The following RARB variants were observed in gnomAD, a reference collection of about 807,000 sequenced individuals.
RARB encodes retinoic acid receptor beta, also known as HBV-activated protein.
In RARB, 17 loss-of-function variants were observed where a neutral mutation model predicts 51.9. The ratio of observed to expected loss-of-function variants is 0.33; its 90% CI spans 0.22 to 0.49. RARB has a LOEUF of 0.49. Ranked by LOEUF, RARB falls within the 20% of genes least tolerant of loss-of-function variation. RARB has a pLI of 0.99. For synonymous variants in RARB, 215 were observed against 195.4 expected (o/e 1.10, Z -0.84); for missense variants, 369 against 550.8 (o/e 0.67, Z 3.30).
At chr3:25,279,451 T>C (rs1403962329) in intron 5 of RARB, among the ~76,000 whole-genome samples, 1 of 152,192 alleles carries the variant, frequency 6.6e-6, no homozygotes, top group African/African-American at 2.4e-5. Context: ...TAGGTTGTTC[T>C]AGGAGTTCAG....
chr3:25,584,284 C>T (rs1022182297), intron 5 of RARB, among the ~76,000 whole-genome samples: 11 of 152,106 alleles, frequency 7.2e-5, no homozygotes, highest in African/African-American at 1.7e-4. Flanking sequence ...CTCATGGAGC[C>T]GACCTTCTCC....
At chr3:25,000,269 C>T (rs1459860690) in intron 2 of RARB, among the ~76,000 whole-genome samples, 1 of 152,084 alleles carries the variant, frequency 6.6e-6, no homozygotes, top group Non-Finnish European at 1.5e-5. Context: ...CTGACTTCAT[C>T]TATCTTAATT....
chr3:24,939,128 G>C (rs1006207475), intron 2 of RARB, among the ~76,000 whole-genome samples: 1 of 151,974 alleles, frequency 6.6e-6, no homozygotes, highest in Non-Finnish European at 1.5e-5. Context: ...GATTACAGGC[G>C]TGCACCACGA....
intron 5 of RARB, among the ~76,000 whole-genome samples, chr3:25,355,467 G>A (rs1705705712): frequency 6.6e-6 from 1 of 152,026 alleles, no homozygotes; most frequent in Non-Finnish European, 1.5e-5. Context: ...TAGCCCCTTA[G>A]CCTCTTCTTG....
chr3:25,486,266 C>G (rs113193464), intron 2 of RARB, among the ~76,000 whole-genome samples: 58 of 152,264 alleles, frequency 3.8e-4, no homozygotes, highest in African/African-American at 1.3e-3. Flanking sequence ...ACGTGGAAAT[C>G]TCAAATATCA....
At chr3:25,332,440 A>G (rs1484537051) in intron 5 of RARB, among the ~76,000 whole-genome samples, 6 of 152,210 alleles carry the variant, frequency 3.9e-5, no homozygotes, top group African/African-American at 1.2e-4. Context: ...GATTATCTCA[A>G]TAGATGCAGA....
chr3:24,957,777 A>G (rs558839335), intron 2 of RARB, among the ~76,000 whole-genome samples: 21 of 152,208 alleles, frequency 1.4e-4, no homozygotes, highest in Admixed American at 3.3e-4. Context: ...GCTGCCTATG[A>G]TGCAGGCAGA....
At chr3:25,136,118 C>T (rs982201167) in intron 4 of RARB, among the ~76,000 whole-genome samples, 13 of 151,868 alleles carry the variant, frequency 8.6e-5, no homozygotes, top group Middle Eastern at 3.2e-3. Flanking sequence ...TGTCCGAAAA[C>T]CTCAGAATAT....
chr3:25,382,125 GAGT>G (rs1241793571), intron 5 of RARB, among the ~76,000 whole-genome samples: 6 of 152,286 alleles, frequency 3.9e-5, no homozygotes, highest in African/African-American at 1.4e-4. Context: ...TGGGCTCAAA[GAGT>G]AGGAGTCCAA....
intron 5 of RARB, among the ~76,000 whole-genome samples, chr3:25,330,380 A>T (rs549768444): frequency 1.3e-3 from 202 of 152,314 alleles, no homozygotes; most frequent in African/African-American, 4.6e-3. Flanking sequence ...AAAGAAAAGA[A>T]TTTTCAACCC....
At chr3:25,526,460 G>A (rs1321626225) in intron 3 of RARB, among the ~76,000 whole-genome samples, 2 of 152,190 alleles carry the variant, frequency 1.3e-5, no homozygotes, top group African/African-American at 2.4e-5. Context: ...GCAAGGGGCT[G>A]GGAATGGAAG....
At chr3:25,451,295 A>G (rs1317610257) in intron 1 of RARB, among the ~76,000 whole-genome samples, 4 of 152,258 alleles carry the variant, frequency 2.6e-5, no homozygotes, top group Non-Finnish European at 5.9e-5. Context: ...AAGAAGGACT[A>G]GGGCTCAGAG....
chr3:25,009,997 C>A (rs1697359572), intron 2 of RARB, among the ~76,000 whole-genome samples: 1 of 152,106 alleles, frequency 6.6e-6, no homozygotes, highest in African/African-American at 2.4e-5. Context: ...AGTAGCCCCT[C>A]TTACCTTCTG....
chr3:24,952,987 A>G (rs1695931160), intron 2 of RARB, among the ~76,000 whole-genome samples: 2 of 152,298 alleles, frequency 1.3e-5, no homozygotes, highest in Non-Finnish European at 2.9e-5. Context: ...ATATTTATAT[A>G]GTATAGCCTA....
chr3:25,005,631 C>G (rs191636468), intron 2 of RARB, among the ~76,000 whole-genome samples: 1 of 152,018 alleles, frequency 6.6e-6, no homozygotes, highest in Admixed American at 6.6e-5. Context: ...AGCCACAAAC[C>G]GTCATCTCCA....
In RARB at chr3:25,313,282, T is replaced by G. The variant is rs149360369; in HGVS notation, c.178+138707T>G. On this transcript the variant is annotated intron_variant, in intron 5 of 11. Transcript: ENST00000383772. ...ATAAACCAGACTTAGAATTAAGAGT[T>G]AGTGACCCAAACAAACATGCATATG... 3.6e-3 allele frequency among the ~76,000 whole-genome samples: 545 copies of G among 152,306 alleles called. 3 individuals carry two copies. The highest frequency in any genetic ancestry group is 0.012 in the African/African-American group (513 of 41,568).
chr3:24,889,908 G>GAA (rs76271154), intron 2 of RARB, among the ~76,000 whole-genome samples: 2,011 of 112,964 alleles, frequency 0.018, 45 homozygotes, highest in African/African-American at 0.061. Flanking sequence ...GAGCAGGCAT[G>GAA]AAAAAAAAAA....
chr3:25,162,937 C>T (rs954997591), intron 4 of RARB, among the ~76,000 whole-genome samples: 5 of 152,204 alleles, frequency 3.3e-5, no homozygotes, highest in South Asian at 2.1e-4. Context: ...TGTATACAGC[C>T]AGAATTGAAA....
At chr3:25,206,125 T>TC (rs1701539056) in intron 5 of RARB, among the ~76,000 whole-genome samples, 1 of 152,184 alleles carries the variant, frequency 6.6e-6, no homozygotes. Context: ...AAGTCAAGGA[T>TC]CATCTGTATA....
Sources: allele counts gnomAD v4.1 joint callset (sites outside exome capture counted in the v4.1 genomes callset), GRCh38; gene constraint gnomAD v4.1.1; transcripts MANE v1.5; gene names NCBI Gene and HGNC (gene_info 2026-07-23, HGNC 2026-07-21).